The following ZNF710 variants were observed in gnomAD, a reference collection of about 807,000 sequenced individuals.
ZNF710 encodes zinc finger protein 710.
Under a neutral mutation model 50.6 loss-of-function variants are expected in ZNF710, and 13 were observed. That is an observed-to-expected ratio of 0.26 (90% CI 0.17 to 0.41). The LOEUF is 0.41. ZNF710 is among the 10% of genes least tolerant of loss of function. ZNF710 has a pLI of 1.00. For synonymous variants in ZNF710, 383 were observed against 397.0 expected (o/e 0.96, Z 0.42); for missense variants, 721 against 936.6 (o/e 0.77, Z 3.01).
chr15:90,035,628 T>C (rs2151490108), intron 1 of ZNF710, among the ~76,000 whole-genome samples: 1 of 152,352 alleles, frequency 6.6e-6, no homozygotes, highest in South Asian at 2.1e-4. Context: ...GCTCTCTAGC[T>C]GGGGCGGGAA....
At chr15:90,042,053 A>T (rs1379157118) in intron 1 of ZNF710, among the ~76,000 whole-genome samples, 1 of 151,920 alleles carries the variant, frequency 6.6e-6, no homozygotes, top group South Asian at 2.1e-4. Flanking sequence ...GCCCACTACC[A>T]CGTCTGGCTT....
At chr15:90,032,035 C>T (rs547082500) in intron 1 of ZNF710, among the ~76,000 whole-genome samples, 6 of 152,304 alleles carry the variant, frequency 3.9e-5, no homozygotes, top group Admixed American at 2.0e-4. Context: ...GTCTCGCTGT[C>T]GCCCAGGCTG....
chr15:90,078,791 C>G (rs980395072), intron 4 of ZNF710, among the ~76,000 whole-genome samples: 6 of 152,240 alleles, frequency 3.9e-5, no homozygotes, highest in Non-Finnish European at 8.8e-5. Flanking sequence ...CTGCCCCCAG[C>G]CTGGGGTCTG....
intron 1 of ZNF710, among the ~76,000 whole-genome samples, chr15:90,017,867 A>G (rs925755458): frequency 7.9e-5 from 12 of 152,148 alleles, no homozygotes; most frequent in African/African-American, 2.9e-4. Context: ...GACCGGCAAC[A>G]TTGAGACACC....
intron 1 of ZNF710, among the ~76,000 whole-genome samples, chr15:90,008,427 T>TGTGTGTATATATATACATATATATATAC (rs1491372581): frequency 7.4e-6 from 1 of 135,092 alleles, no homozygotes; most frequent in African/African-American, 3.3e-5. Flanking sequence ...TGTGTGTGTG[T>TGTGTGTATATATATACATATATATATAC]ATATATATAT....
At chr15:90,015,273 A>G (rs1291246631) in intron 1 of ZNF710, among the ~76,000 whole-genome samples, 1 of 152,240 alleles carries the variant, frequency 6.6e-6, no homozygotes, top group Non-Finnish European at 1.5e-5. Flanking sequence ...GTGAGAGCCC[A>G]CTAGCAATAA....
chr15:90,010,928 G>GTTTTTTT (rs11341248), intron 1 of ZNF710, among the ~76,000 whole-genome samples: 112 of 78,756 alleles, frequency 1.4e-3, no homozygotes, highest in Non-Finnish European at 1.8e-3. Flanking sequence ...TTGGTTTTTT[G>GTTTTTTT]TTTTTTTTTT....
At position 90,079,771 on chromosome 15, in the gene ZNF710, A is replaced by G. The variant is rs768085657; in HGVS notation, c.1937A>G (p.Glu646Gly). 1 of 1,613,136 alleles carries G rather than the reference A, an allele frequency of 6.2e-7. No individual in the cohort carries two copies. Among genetic ancestry groups the G allele is most frequent in the Non-Finnish European group, 8.5e-7 (1 of 1,179,682 alleles). ...YSYASVDSSA[E>G]ASVLTEQAMK... ...TATGCGAGCGTGGACAGCAGCGCCG[A>G]GGCCAGTGTCCTCACTGAACAGGCC... The change falls in exon 5 of 5, where the codon GAG (glutamate) becomes GGG (glycine). Residue 646 changes from glutamate to glycine, a missense_variant. Transcript: ENST00000268154.
intron 1 of ZNF710, among the ~76,000 whole-genome samples, chr15:90,019,768 G>A (rs953162444): frequency 6.6e-6 from 1 of 152,218 alleles, no homozygotes; most frequent in Admixed American, 6.5e-5. Context: ...ATGACCCCAG[G>A]AAGCTGCAGG....
At chr15:90,019,187 C>CTTTTTCTTTTT (rs1898539482) in intron 1 of ZNF710, among the ~76,000 whole-genome samples, 1 of 89,384 alleles carries the variant, frequency 1.1e-5, no homozygotes, top group African/African-American at 4.5e-5. Flanking sequence ...CTTTTTCTTT[C>CTTTTTCTTTTT]TTTTTTTTTT....
intron 1 of ZNF710, among the ~76,000 whole-genome samples, chr15:90,051,305 T>G (rs948767774): frequency 2.0e-5 from 3 of 151,584 alleles, no homozygotes; most frequent in African/African-American, 7.3e-5. Context: ...TCAGCCCTTA[T>G]GAAACACATC....
intron 4 of ZNF710, chr15:90,076,081 C>A (rs1900582757): frequency 6.6e-6 from 1 of 152,186 alleles, no homozygotes. Flanking sequence ...GCTGCCTTTC[C>A]CACAAGTTCC....
chr15:90,058,716 TATACAC>T lies in ZNF710; in HGVS notation c.-28-8392_-28-8387del, dbSNP rs1257870451. ...CACTATATATTTATATATATATATATATACACACATATACACACACACGTACACAGA... is the reference window on the plus strand; with the variant it reads ...CACTATATATTTATATATATATATATACATATACACACACACGTACACAGA... On this transcript the variant is annotated intron_variant, in intron 1 of 4. Coordinates refer to ENST00000268154, the MANE Select transcript of ZNF710 (RefSeq NM_198526.4). Among the ~76,000 whole-genome samples the T allele has an allele frequency of 3.0e-4, 44 of 144,394 alleles. 1 individual carries two copies. Among genetic ancestry groups the T allele is most frequent in the African/African-American group, 1.2e-3 (43 of 34,420 alleles). The allele number at this position is 144,394 out of a possible 152,430, so 94.7% of individuals were successfully genotyped here. A position where few individuals can be genotyped will look rare whatever the true frequency, so the allele number is the denominator to read the frequency against.
intron 1 of ZNF710, among the ~76,000 whole-genome samples, chr15:90,043,166 C>T (rs1227782598): frequency 2.0e-5 from 3 of 152,250 alleles, no homozygotes; most frequent in African/African-American, 7.2e-5. Flanking sequence ...TGGGTGGACA[C>T]GGCCCAGGCA....
In ZNF710 at chr15:90,056,410, G is replaced by A. The variant is rs137902082; in HGVS notation, c.-28-10700G>A. Among the ~76,000 whole-genome samples the A allele has an allele frequency of 3.4e-3, 518 of 151,892 alleles. 4 individuals carry two copies. The highest frequency in any genetic ancestry group is 2.8e-3 in the Admixed American group (43 of 15,254). On this transcript the variant is annotated intron_variant, in intron 1 of 4. Coordinates refer to ENST00000268154, the MANE Select transcript of ZNF710 (RefSeq NM_198526.4). ...GCCTAGGCAACAAGAGCGAAACTCC[G>A]TCTCAAAAAAAAAAGAGCTCCAGAT...
intron 1 of ZNF710, among the ~76,000 whole-genome samples, chr15:90,011,221 C>T (rs576734200): frequency 2.0e-4 from 31 of 152,170 alleles, no homozygotes; most frequent in Non-Finnish European, 3.4e-4. Context: ...TGAGCCACTG[C>T]GCCCGGCCTA....
At chr15:90,049,876 C>T (rs570706629) in intron 1 of ZNF710, among the ~76,000 whole-genome samples, 11 of 152,322 alleles carry the variant, frequency 7.2e-5, no homozygotes, top group South Asian at 4.1e-4. Flanking sequence ...TTATCTGAGG[C>T]GAGCATCTCC....
chr15:90,072,936 C>T (rs1162105318), intron 2 of ZNF710, 135 bp from the exon 3 acceptor site: 1 of 903,990 alleles, frequency 1.1e-6, no homozygotes, highest in African/African-American at 1.7e-5. Context: ...TTTGGAATAC[C>T]CTCAAAAAGA....
At chr15:90,033,711 A>C (rs1899016930) in intron 1 of ZNF710, among the ~76,000 whole-genome samples, 1 of 152,202 alleles carries the variant, frequency 6.6e-6, no homozygotes, top group Non-Finnish European at 1.5e-5. Flanking sequence ...GGCATTCGCT[A>C]CCATGCCCAG....
Sources: gnomAD v4.1 joint callset for allele counts (sites outside exome capture counted in the v4.1 genomes callset) on GRCh38, gnomAD v4.1.1 for gene constraint, MANE v1.5 for transcripts, NCBI Gene and HGNC (gene_info 2026-07-23, HGNC 2026-07-21) for gene names.